Variants in NR3C2 observed in about 807,000 individuals in gnomAD.
NR3C2 encodes the protein mineralocorticoid receptor.
NR3C2 carries 15 observed loss-of-function variants against 86.4 expected under a neutral mutation model. The observed-to-expected ratio is 0.17, with a 90% CI of 0.12 to 0.27. The LOEUF is 0.27. NR3C2 is among the 10% of genes least tolerant of loss of function. NR3C2 has a pLI of 1.00. For synonymous variants in NR3C2, 458 were observed against 450.5 expected, an observed-to-expected ratio of 1.02 and a Z score of -0.21; for missense variants, 960 against 1,195.6, an observed-to-expected ratio of 0.80 and a Z score of 2.91.
At chr4:148,359,978 C>T (rs549364586) in intron 2 of NR3C2, among the ~76,000 whole-genome samples, 9 of 152,190 alleles carry the variant, frequency 5.9e-5, no homozygotes, top group African/African-American at 2.2e-4. Context: ...GGAGGAGCAA[C>T]CCCGGGGTTT....
At position 148,335,011 on chromosome 4, in the gene NR3C2, T is replaced by A. The variant is rs1013283270; in HGVS notation, c.1758-74894A>T. Among the ~76,000 whole-genome samples, 4 of 152,208 alleles carry A rather than the reference T, an allele frequency of 2.6e-5. No individual in the cohort carries two copies. The East Asian group carries it at 7.7e-4, about 29-fold the overall frequency. On this transcript the variant is annotated intron_variant, in intron 2 of 8. Transcript: ENST00000358102. ...TATCTGTGTCCCAATTTCCCCTTTGTATAAAGATTCCAGTTATATTACATT... is the reference window on the plus strand; with the variant it reads ...TATCTGTGTCCCAATTTCCCCTTTGAATAAAGATTCCAGTTATATTACATT...
chr4:148,327,328 G>A (rs1175812304), intron 2 of NR3C2, among the ~76,000 whole-genome samples: 2 of 152,132 alleles, frequency 1.3e-5, no homozygotes, highest in East Asian at 3.8e-4. Context: ...CTGGAGGGGA[G>A]GTTTTAAAAG....
intron 4 of NR3C2, among the ~76,000 whole-genome samples, chr4:148,161,831 G>A (rs1578957636): frequency 6.6e-6 from 1 of 152,114 alleles, no homozygotes; most frequent in Non-Finnish European, 1.5e-5. Context: ...AAGTTGAATC[G>A]ATATATAATA....
intron 6 of NR3C2, among the ~76,000 whole-genome samples, chr4:148,140,942 A>G (rs566902318): frequency 6.6e-6 from 1 of 152,346 alleles, no homozygotes; most frequent in South Asian, 2.1e-4. Flanking sequence ...AATATCATAC[A>G]TGGAATATTA....
chr4:148,350,137 G>A (rs1006389290), intron 2 of NR3C2, among the ~76,000 whole-genome samples: 2 of 152,080 alleles, frequency 1.3e-5, no homozygotes, highest in African/African-American at 4.8e-5. Flanking sequence ...AGGGAATTCC[G>A]GCATATCTCC....
At chr4:148,324,020 C>T (rs971265661) in intron 2 of NR3C2, among the ~76,000 whole-genome samples, 3 of 152,162 alleles carry the variant, frequency 2.0e-5, no homozygotes, top group Admixed American at 6.5e-5. Flanking sequence ...CTAGGTGTTT[C>T]CACCAAGAAC....
chr4:148,166,847 G>C (rs1734901816), intron 4 of NR3C2, among the ~76,000 whole-genome samples: 1 of 151,692 alleles, frequency 6.6e-6, no homozygotes, highest in South Asian at 2.1e-4. Flanking sequence ...AGGACTTCCG[G>C]AAATTTTAAT....
At chr4:148,202,436 G>C (rs61758887) in intron 3 of NR3C2, among the ~76,000 whole-genome samples, 2 of 152,224 alleles carry the variant, frequency 1.3e-5, no homozygotes, top group Non-Finnish European at 2.9e-5. Context: ...CTGGGAGCAG[G>C]TGCTCAGCCT....
intron 2 of NR3C2, among the ~76,000 whole-genome samples, chr4:148,366,438 T>A (rs1746121096): frequency 6.6e-6 from 1 of 152,274 alleles, no homozygotes; most frequent in Non-Finnish European, 1.5e-5. Flanking sequence ...AAGAATACTT[T>A]TTTAAAAGTA....
At chr4:148,124,386 G>A (rs1392984292) in intron 6 of NR3C2, among the ~76,000 whole-genome samples, 1 of 152,340 alleles carries the variant, frequency 6.6e-6, no homozygotes, top group African/African-American at 2.4e-5. Context: ...ATTTACGACA[G>A]TACTTTGCAG....
intron 3 of NR3C2, among the ~76,000 whole-genome samples, chr4:148,246,037 A>G (rs1056038513): frequency 5.9e-5 from 9 of 152,170 alleles, no homozygotes; most frequent in African/African-American, 2.2e-4. Flanking sequence ...GGTACACACA[A>G]TATGTTCTAG....
intron 4 of NR3C2, among the ~76,000 whole-genome samples, chr4:148,174,894 G>A (rs1735300670): frequency 6.6e-6 from 1 of 152,078 alleles, no homozygotes; most frequent in African/African-American, 2.4e-5. Flanking sequence ...CACGTTTTAA[G>A]TGCTCTACTC....
chr4:148,205,258 T>C (rs1736944660), intron 3 of NR3C2, among the ~76,000 whole-genome samples: 1 of 152,214 alleles, frequency 6.6e-6, no homozygotes, highest in Non-Finnish European at 1.5e-5. Flanking sequence ...ATGAAATTAT[T>C]TGATATGTGT....
intron 4 of NR3C2, among the ~76,000 whole-genome samples, chr4:148,158,266 C>T (rs1734494639): frequency 6.6e-6 from 1 of 152,094 alleles, no homozygotes; most frequent in Non-Finnish European, 1.5e-5. Flanking sequence ...CAGAAAAGAA[C>T]AAAGCACCCA....
At chr4:148,265,945 G>C (rs1214646020) in intron 2 of NR3C2, among the ~76,000 whole-genome samples, 1 of 152,080 alleles carries the variant, frequency 6.6e-6, no homozygotes, top group African/African-American at 2.4e-5. Context: ...GGCGAATAGA[G>C]AGACAATACA....
At chr4:148,164,886 G>C (rs1352814857) in intron 4 of NR3C2, among the ~76,000 whole-genome samples, 2 of 152,202 alleles carry the variant, frequency 1.3e-5, no homozygotes, top group Non-Finnish European at 2.9e-5. Context: ...GTTCTAGCAT[G>C]ATCTTCACTA....
chr4:148,427,180 C>T (rs913062115), intron 2 of NR3C2, among the ~76,000 whole-genome samples: 2 of 152,024 alleles, frequency 1.3e-5, no homozygotes, highest in Admixed American at 6.6e-5. Context: ...GTCTCAAACT[C>T]CTGGCCTCAA....
rs953145229 is a variant in NR3C2 at position 148,200,691 on chromosome 4, G to A, written c.1898-5829C>T. Among the ~76,000 whole-genome samples the A allele has an allele frequency of 3.9e-5, 6 of 152,290 alleles. No individual in the cohort carries two copies. In the East Asian group the frequency reaches 1.2e-3, roughly 29 times the overall value. ...AGAATTATAAAAGTGCCTATTTCAT[G>A]AGTTATCATGAAAATAATATACCAC... On this transcript the variant is annotated intron_variant, in intron 3 of 8. Coordinates refer to ENST00000358102, the MANE Select transcript of NR3C2 (RefSeq NM_000901.5).
At chr4:148,379,148 T>C (rs1746829690) in intron 2 of NR3C2, among the ~76,000 whole-genome samples, 2 of 152,322 alleles carry the variant, frequency 1.3e-5, no homozygotes, top group African/African-American at 2.4e-5. Flanking sequence ...CTCATAATTA[T>C]ACGTCTAAAT....
Sources: gnomAD v4.1 joint callset for allele counts (sites outside exome capture counted in the v4.1 genomes callset) on GRCh38, gnomAD v4.1.1 for gene constraint, MANE v1.5 for transcripts, NCBI Gene and HGNC (gene_info 2026-07-23, HGNC 2026-07-21) for gene names.